The following ATP2B2 variants were observed in gnomAD, a reference collection of about 807,000 sequenced individuals.
ATP2B2 encodes the protein ATPase plasma membrane Ca2+ transporting 2.
A neutral mutation model predicts 120.0 loss-of-function variants in ATP2B2; 15 were observed. The observed-to-expected ratio is 0.12, with a 90% CI of 0.08 to 0.19. The LOEUF is 0.19. Ranked by LOEUF, ATP2B2 falls within the 10% of genes least tolerant of loss-of-function variation. The pLI is 1.00. For missense variants in ATP2B2, 1,045 were observed against 1,719.8 expected, an observed-to-expected ratio of 0.61 and a Z score of 6.94; for synonymous variants, 694 against 700.3, an observed-to-expected ratio of 0.99 and a Z score of 0.14.
intron 1 of ATP2B2, among the ~76,000 whole-genome samples, chr3:10,649,903 G>T (rs1341663369): frequency 6.6e-5 from 10 of 152,208 alleles, no homozygotes; most frequent in African/African-American, 2.4e-4. Flanking sequence ...CACAATGTTT[G>T]TGAGGTCTCC....
chr3:10,365,828 T>TGTGTGTGTG (rs2061034763), intron 12 of ATP2B2, among the ~76,000 whole-genome samples: 1 of 152,232 alleles, frequency 6.6e-6, no homozygotes, highest in Non-Finnish European at 1.5e-5. Flanking sequence ...GTGTGTGTGT[T>TGTGTGTGTG]GTATGTGCAT....
At chr3:10,376,106 T>C (rs1422447866) in intron 10 of ATP2B2, among the ~76,000 whole-genome samples, 1 of 152,152 alleles carries the variant, frequency 6.6e-6, no homozygotes, top group Non-Finnish European at 1.5e-5. Context: ...GCCAGGCACA[T>C]CTTAGTTCCT....
At chr3:10,413,396 T>C (rs913172848) in intron 2 of ATP2B2, among the ~76,000 whole-genome samples, 3 of 152,230 alleles carry the variant, frequency 2.0e-5, no homozygotes, top group African/African-American at 7.2e-5. Flanking sequence ...GCCAGCCTGC[T>C]TGTTGGTGCA....
intron 2 of ATP2B2, among the ~76,000 whole-genome samples, chr3:10,547,015 ATGT>A (rs1340746373): frequency 2.0e-5 from 3 of 152,158 alleles, no homozygotes; most frequent in Admixed American, 1.3e-4. Context: ...AGAGGCAAAA[ATGT>A]TGACTTGCTG....
chr3:10,626,990 A>G (rs950957159), intron 1 of ATP2B2, among the ~76,000 whole-genome samples: 5 of 151,484 alleles, frequency 3.3e-5, no homozygotes, highest in Non-Finnish European at 5.9e-5. Context: ...TGGGCTTCTC[A>G]TTTTGCTTTT....
intron 1 of ATP2B2, among the ~76,000 whole-genome samples, chr3:10,472,167 G>A (rs1011255506): frequency 6.6e-6 from 1 of 152,110 alleles, no homozygotes; most frequent in African/African-American, 2.4e-5. Context: ...AGACACAGAG[G>A]AACTGAAGCC....
intron 1 of ATP2B2, among the ~76,000 whole-genome samples, chr3:10,651,462 C>T (rs1327739731): frequency 1.3e-5 from 2 of 152,196 alleles, no homozygotes; most frequent in African/African-American, 4.8e-5. Context: ...TGTCTGCTGC[C>T]ACGTGAGATG....
intron 1 of ATP2B2, among the ~76,000 whole-genome samples, chr3:10,670,914 G>A (rs1361772055): frequency 6.6e-6 from 1 of 152,218 alleles, no homozygotes; most frequent in Non-Finnish European, 1.5e-5. Flanking sequence ...ATGAGGTGGT[G>A]ACTTCCCCAT....
At chr3:10,359,043 T>A in intron 13 of ATP2B2, 118 bp from the exon 14 acceptor site, 6 of 963,874 alleles carry the variant, frequency 6.2e-6, no homozygotes, top group Non-Finnish European at 9.4e-6. Context: ...CCAGTGCCCA[T>A]CTAGTTCATC....
intron 1 of ATP2B2, among the ~76,000 whole-genome samples, chr3:10,485,709 G>A (rs986913806): frequency 2.0e-5 from 3 of 152,238 alleles, no homozygotes; most frequent in African/African-American, 7.2e-5. Flanking sequence ...GAATCGCAAA[G>A]CCTGGGGTCT....
At chr3:10,481,476 T>C (rs563271091) in intron 1 of ATP2B2, among the ~76,000 whole-genome samples, 1 of 152,232 alleles carries the variant, frequency 6.6e-6, no homozygotes, top group East Asian at 1.9e-4. Context: ...AGCCCTGCCC[T>C]GAACACCCCA....
At chr3:10,524,781 G>A (rs867525493) in intron 3 of ATP2B2, among the ~76,000 whole-genome samples, 4 of 152,308 alleles carry the variant, frequency 2.6e-5, no homozygotes, top group South Asian at 4.2e-4. Flanking sequence ...CCTGGCTAGA[G>A]GTGGGAGAGT....
chr3:10,519,335 G>T (rs747906558), intron 3 of ATP2B2, among the ~76,000 whole-genome samples: 1 of 152,220 alleles, frequency 6.6e-6, no homozygotes, highest in African/African-American at 2.4e-5. Flanking sequence ...GCCGAGGCGG[G>T]AGTGAATAAT....
chr3:10,648,631 C>T (rs1017791773), intron 1 of ATP2B2, among the ~76,000 whole-genome samples: 2 of 152,206 alleles, frequency 1.3e-5, no homozygotes, highest in African/African-American at 4.8e-5. Context: ...CTCCCAAACT[C>T]CCCCAAACCT....
chr3:10,506,428 CTT>C (rs1216694492), upstream of ATP2B2, among the ~76,000 whole-genome samples: 3 of 152,060 alleles, frequency 2.0e-5, no homozygotes, highest in African/African-American at 7.2e-5. Context: ...CTGACTGACA[CTT>C]CCACGGGAAC....
intron 2 of ATP2B2, among the ~76,000 whole-genome samples, chr3:10,563,085 C>T (rs200851524): frequency 2.0e-5 from 3 of 152,176 alleles, no homozygotes; most frequent in East Asian, 3.8e-4. Flanking sequence ...TTCTGTTTTT[C>T]CTTTTTTAAA....
intron 2 of ATP2B2, among the ~76,000 whole-genome samples, chr3:10,538,003 T>C (rs2067356058): frequency 6.6e-6 from 1 of 152,234 alleles, no homozygotes; most frequent in African/African-American, 2.4e-5. Context: ...CACTTGGTCA[T>C]GATGCATAAT....
At chr3:10,651,785 A>G (rs113165630) in intron 1 of ATP2B2, among the ~76,000 whole-genome samples, 2 of 152,214 alleles carry the variant, frequency 1.3e-5, no homozygotes, top group African/African-American at 4.8e-5. Context: ...AGATGGATGG[A>G]TGAATGGATG....
At position 10,396,785 on chromosome 3, in the gene ATP2B2, C is replaced by T. The variant is rs530496420; in HGVS notation, c.781+4168G>A. 3.3e-5 allele frequency among the ~76,000 whole-genome samples: 5 copies of T among 151,558 alleles called. No individual in the cohort carries two copies. The South Asian group carries it at 6.3e-4, about 19-fold the overall frequency. ...ACATTTGAGATGAAGGATGAGAGGG[C>T]GAAATGGACATTTCTGGAGGTTCCA... On this transcript the variant is annotated intron_variant, in intron 5 of 22. Transcript: ENST00000360273.
Sources: gnomAD v4.1 joint callset for allele counts (sites outside exome capture counted in the v4.1 genomes callset) on GRCh38, gnomAD v4.1.1 for gene constraint, MANE v1.5 for transcripts, NCBI Gene and HGNC (gene_info 2026-07-23, HGNC 2026-07-21) for gene names.